Variants in SND1 observed in about 807,000 individuals in gnomAD.
SND1 encodes staphylococcal nuclease domain-containing protein 1.
SND1 carries 38 observed loss-of-function variants against 121.7 expected under a neutral mutation model. The observed-to-expected ratio is 0.31, with a 90% confidence interval of 0.24 to 0.41. The LOEUF is 0.41. Ranked by LOEUF, SND1 falls within the 10% of genes least tolerant of loss-of-function variation. The pLI, the probability that SND1 is intolerant of heterozygous loss-of-function variation, is 1.00. For missense variants in SND1, 868 were observed against 1,184.6 expected, an observed-to-expected ratio of 0.73 and a Z score of 3.92; for synonymous variants, 401 against 447.4, an observed-to-expected ratio of 0.90 and a Z score of 1.31.
intron 10 of SND1, among the ~76,000 whole-genome samples, chr7:127,803,292 G>C (rs1215093950): frequency 3.3e-5 from 5 of 152,116 alleles, no homozygotes; most frequent in South Asian, 2.1e-4. Context: ...CTGTGGCCCT[G>C]CACCCCTGTT....
At chr7:127,866,956 A>G (rs1258368971) in intron 12 of SND1, among the ~76,000 whole-genome samples, 2 of 152,190 alleles carry the variant, frequency 1.3e-5, no homozygotes, top group African/African-American at 4.8e-5. Flanking sequence ...TTCTGCCTAC[A>G]TGCTCTAGAT....
rs749739659 is a variant in SND1 at position 127,652,341 on chromosome 7, G to A, written c.-33G>A. ...CACATTGACACCTCCAGTCCGGCCA[G>A]CCGCTCCACTCGTTGCCTTTGCATC... On this transcript the variant is annotated 5_prime_UTR_variant, in exon 1 of 24. Coordinates refer to ENST00000354725, the MANE Select transcript of SND1 (RefSeq NM_014390.4). 1.6e-5 allele frequency: 25 copies of A among 1,565,080 alleles called. No homozygotes were observed. The highest frequency in any genetic ancestry group is 2.2e-5 in the Non-Finnish European group (25 of 1,152,480).
intron 10 of SND1, among the ~76,000 whole-genome samples, chr7:127,797,268 T>G (rs1005597768): frequency 2.6e-5 from 4 of 152,204 alleles, no homozygotes; most frequent in Non-Finnish European, 5.9e-5. Context: ...ACAATCACTG[T>G]GTAGAGCCCA....
intron 16 of SND1, among the ~76,000 whole-genome samples, chr7:128,062,262 G>A (rs926988501): frequency 6.6e-6 from 1 of 152,246 alleles, no homozygotes; most frequent in African/African-American, 2.4e-5. Flanking sequence ...GCAGGCTTCT[G>A]TCAGGCTTTC....
chr7:127,791,219 A>G (rs1797905117), intron 10 of SND1, among the ~76,000 whole-genome samples: 1 of 133,126 alleles, frequency 7.5e-6, no homozygotes, highest in Non-Finnish European at 1.5e-5. Flanking sequence ...TGCTATCTCC[A>G]CTCACTGGGC....
chr7:128,069,654 T>A (rs938470620), intron 16 of SND1, among the ~76,000 whole-genome samples: 1 of 152,260 alleles, frequency 6.6e-6, no homozygotes, highest in African/African-American at 2.4e-5. Flanking sequence ...TAATTTATGA[T>A]GATCGTGTTG....
At chr7:128,002,541 G>A (rs574534227) in intron 16 of SND1, among the ~76,000 whole-genome samples, 18 of 152,122 alleles carry the variant, frequency 1.2e-4, no homozygotes, top group African/African-American at 4.1e-4. Flanking sequence ...CCAAGGGAGG[G>A]GTGACACCAG....
intron 9 of SND1, among the ~76,000 whole-genome samples, chr7:127,711,415 G>A (rs1217940427): frequency 1.3e-5 from 2 of 152,048 alleles, no homozygotes; most frequent in Admixed American, 6.5e-5. Flanking sequence ...GTATCTATCA[G>A]TATCACTCCA....
intron 11 of SND1, among the ~76,000 whole-genome samples, chr7:127,840,971 A>G (rs1798954521): frequency 6.6e-6 from 1 of 152,174 alleles, no homozygotes; most frequent in East Asian, 1.9e-4. Context: ...TTGGTTATTG[A>G]AGATTAAAAT....
chr7:128,084,834 G>A lies in SND1; in HGVS notation c.2221G>A (p.Val741Ile), dbSNP rs745350581. The A allele has an allele frequency of 2.7e-5, 43 of 1,597,566 alleles. No homozygotes were observed. Among genetic ancestry groups the A allele is most frequent in the Admixed American group, 5.1e-5 (3 of 58,940 alleles). The change falls in exon 19 of 24, where the codon GTA (valine) becomes ATA (isoleucine). Residue 741 changes from valine to isoleucine, a missense_variant. Around this residue, in one of 2 missense-constraint regions of SND1, gnomAD observed 743 missense variants for 1,071.3 expected, o/e 0.69. Coordinates refer to ENST00000354725, the MANE Select transcript of SND1 (RefSeq NM_014390.4). Reference sequence around the variant, plus strand: ...GGGAGAGTTCTGCATTGCCAAATTTGTAGATGGAGAATGGTAAGCCACTTG... The same window carrying A: ...GGGAGAGTTCTGCATTGCCAAATTTATAGATGGAGAATGGTAAGCCACTTG... ...RRGEFCIAKF[V>I]DGEWYRARVE...
chr7:127,934,589 C>G (rs1007670602), intron 15 of SND1, among the ~76,000 whole-genome samples: 6 of 151,924 alleles, frequency 3.9e-5, no homozygotes, highest in African/African-American at 1.5e-4. Flanking sequence ...CGGGGAATGC[C>G]TGGTCTCTTT....
At chr7:127,690,896 C>G (rs539363536) in intron 2 of SND1, among the ~76,000 whole-genome samples, 10 of 152,298 alleles carry the variant, frequency 6.6e-5, no homozygotes, top group Admixed American at 2.0e-4. Flanking sequence ...TCTTTGCCTT[C>G]TGTCATGATA....
At chr7:127,928,507 CTT>C (rs745644708) in intron 14 of SND1, among the ~76,000 whole-genome samples, 15 of 109,388 alleles carry the variant, frequency 1.4e-4, no homozygotes, top group Non-Finnish European at 1.9e-4. Context: ...CTAGGCGTCG[CTT>C]TTTTTTTTTT....
At chr7:127,930,325 T>C (rs540072187) in intron 15 of SND1, among the ~76,000 whole-genome samples, 2 of 152,212 alleles carry the variant, frequency 1.3e-5, no homozygotes, top group Non-Finnish European at 2.9e-5. Context: ...TCATGCTTGC[T>C]GCCTCCTGCC....
intron 2 of SND1, among the ~76,000 whole-genome samples, chr7:127,690,582 C>G (rs918390094): frequency 2.2e-4 from 33 of 152,248 alleles, no homozygotes; most frequent in African/African-American, 6.5e-4. Context: ...ATATATCTTT[C>G]TCTACTGGAT....
chr7:127,764,753 G>A (rs1260948223), intron 10 of SND1, among the ~76,000 whole-genome samples: 1 of 152,184 alleles, frequency 6.6e-6, no homozygotes, highest in African/African-American at 2.4e-5. Context: ...AATGTTTCCA[G>A]GACTGGTTTG....
At chr7:128,002,879 G>A (rs1346410256) in intron 16 of SND1, among the ~76,000 whole-genome samples, 2 of 152,222 alleles carry the variant, frequency 1.3e-5, no homozygotes, top group African/African-American at 4.8e-5. Context: ...AAGTTGAAGA[G>A]TTGGAAGATA....
intron 15 of SND1, among the ~76,000 whole-genome samples, chr7:127,930,479 C>T (rs1800938628): frequency 6.6e-6 from 1 of 152,174 alleles, no homozygotes; most frequent in African/African-American, 2.4e-5. Context: ...ACTGCTGCTG[C>T]TTGGCTGTCA....
At position 127,771,344 on chromosome 7, in the gene SND1, G is replaced by A. The variant is rs1584560823; in HGVS notation, c.1153-36140G>A. ...AGATTGGTGTAAGTGACATGAATGG[G>A]TGATGTTTGGCCAAGCTGTGAGCTA... On this transcript the variant is annotated intron_variant, in intron 10 of 23. Coordinates refer to ENST00000354725, the MANE Select transcript of SND1 (RefSeq NM_014390.4). Among the ~76,000 whole-genome samples, 3 of 152,308 alleles carry A rather than the reference G, an allele frequency of 2.0e-5. No homozygotes were observed. In the South Asian group the frequency reaches 6.2e-4, roughly 32 times the overall value.
Sources: allele counts gnomAD v4.1 joint callset (sites outside exome capture counted in the v4.1 genomes callset), GRCh38; gene constraint gnomAD v4.1.1; regional missense constraint gnomAD v4.1.1; transcripts MANE v1.5; gene names NCBI Gene and HGNC (gene_info 2026-07-23, HGNC 2026-07-21).